Variants in STX18 observed in about 807,000 individuals in gnomAD.
STX18 encodes the protein syntaxin-18.
A neutral mutation model predicts 50.1 loss-of-function variants in STX18; 40 were observed. The ratio of observed to expected loss-of-function variants is 0.80; its 90% confidence interval spans 0.62 to 1.04. The LOEUF (loss-of-function observed/expected upper bound fraction) is 1.04. Among genes scored for constraint, STX18 ranks in the 50% least tolerant of loss-of-function variants. The pLI, the probability that STX18 is intolerant of heterozygous loss-of-function variation, is 0.00. For synonymous variants in STX18, 158 were observed against 151.8 expected, an observed-to-expected ratio of 1.04 and a Z score of -0.30; for missense variants, 410 against 415.8, an observed-to-expected ratio of 0.99 and a Z score of 0.12.
intron 5 of STX18, among the ~76,000 whole-genome samples, chr4:4,445,764 G>A (rs1334679146): frequency 1.3e-5 from 2 of 152,154 alleles, no homozygotes; most frequent in African/African-American, 4.8e-5. Context: ...TCCCCAAATT[G>A]ATCTATAAAT....
intron 1 of STX18, among the ~76,000 whole-genome samples, chr4:4,518,969 A>C (rs191389619): frequency 6.6e-6 from 1 of 152,182 alleles, no homozygotes; most frequent in African/African-American, 2.4e-5. Flanking sequence ...ATGATGTTTT[A>C]TGGTTCTTTT....
At chr4:4,465,025 G>C (rs758165239) in intron 2 of STX18, among the ~76,000 whole-genome samples, 7 of 151,886 alleles carry the variant, frequency 4.6e-5, no homozygotes, top group Non-Finnish European at 8.8e-5. Context: ...TTGATGTTAG[G>C]TGTTAACTCG....
chr4:4,485,839 C>T (rs1728676858), intron 1 of STX18, among the ~76,000 whole-genome samples: 1 of 152,214 alleles, frequency 6.6e-6, no homozygotes, highest in Admixed American at 6.5e-5. Flanking sequence ...TTCTCCTGCT[C>T]CCAAAGCTCT....
chr4:4,492,472 T>C (rs1399211961), intron 1 of STX18, among the ~76,000 whole-genome samples: 2 of 152,154 alleles, frequency 1.3e-5, no homozygotes, highest in Non-Finnish European at 2.9e-5. Context: ...ACAGTGTTTG[T>C]AGATTATCTG....
At chr4:4,448,522 A>G (rs1255771767) in intron 5 of STX18, among the ~76,000 whole-genome samples, 1 of 151,828 alleles carries the variant, frequency 6.6e-6, no homozygotes, top group Admixed American at 6.6e-5. Context: ...TTGTATTTTT[A>G]GTGGAGGTGG....
chr4:4,524,185 T>C (rs895528434), intron 1 of STX18, among the ~76,000 whole-genome samples: 9 of 152,222 alleles, frequency 5.9e-5, no homozygotes, highest in Non-Finnish European at 1.2e-4. Flanking sequence ...AATAATTCAT[T>C]CTCAGAGATA....
chr4:4,422,000 T>TGCTTCCTAACA (rs1406036649), intron 9 of STX18, among the ~76,000 whole-genome samples: 1 of 152,056 alleles, frequency 6.6e-6, no homozygotes, highest in African/African-American at 2.4e-5. Flanking sequence ...GTGGTGAAGC[T>TGCTTCCTAACA]GCTTCCTAAC....
rs530496620 is a variant in STX18, at chr4:4,484,010, T to C, written c.169-12304A>G. Among the ~76,000 whole-genome samples, 1,155 of 152,080 alleles carry C rather than the reference T, an allele frequency of 7.6e-3. 12 individuals carry two copies. Among genetic ancestry groups the C allele is most frequent in the African/African-American group, 0.024 (1,011 of 41,470 alleles). On this transcript the variant is annotated intron_variant, in intron 1 of 10. Coordinates refer to ENST00000306200, the MANE Select transcript of STX18 (RefSeq NM_016930.4). The stretch of plus-strand genomic sequence containing the variant: ...CCGAGTAGCTGGGACTACAGGTGCG[T>C]GCCACCATGCCCAGCTAATTTTTTT...
At chr4:4,516,233 T>C (rs1730264315) in intron 1 of STX18, among the ~76,000 whole-genome samples, 1 of 152,194 alleles carries the variant, frequency 6.6e-6, no homozygotes, top group Non-Finnish European at 1.5e-5. Context: ...TTTTGATTCA[T>C]TTTATGATTG....
chr4:4,476,243 G>C (rs1000975401), intron 1 of STX18: 3 of 151,866 alleles, frequency 2.0e-5, no homozygotes, highest in Non-Finnish European at 4.4e-5. Context: ...ACAAAGAATA[G>C]AGAATTCTGT....
At chr4:4,526,345 T>C (rs1730756242) in intron 1 of STX18, among the ~76,000 whole-genome samples, 1 of 152,168 alleles carries the variant, frequency 6.6e-6, no homozygotes, top group African/African-American at 2.4e-5. Flanking sequence ...CTGTGCTCTG[T>C]GCTGTGAGGG....
At chr4:4,494,623 C>G (rs549393733) in intron 1 of STX18, among the ~76,000 whole-genome samples, 3 of 152,278 alleles carry the variant, frequency 2.0e-5, no homozygotes, top group East Asian at 1.9e-4. Context: ...TATTAACTAT[C>G]CTTGTTCTTC....
intron 1 of STX18, among the ~76,000 whole-genome samples, chr4:4,529,550 C>T (rs1730992751): frequency 6.6e-6 from 1 of 152,212 alleles, no homozygotes; most frequent in Admixed American, 6.5e-5. Context: ...GAGGCGTGGT[C>T]TGTGGAATGC....
chr4:4,486,983 A>G (rs1361200580), intron 1 of STX18, among the ~76,000 whole-genome samples: 3 of 152,192 alleles, frequency 2.0e-5, no homozygotes, highest in Non-Finnish European at 4.4e-5. Flanking sequence ...AAAGCTATGA[A>G]TCTGATCTCT....
intron 1 of STX18, among the ~76,000 whole-genome samples, chr4:4,482,875 T>C (rs949633916): frequency 3.9e-5 from 6 of 152,216 alleles, no homozygotes; most frequent in Admixed American, 2.0e-4. Flanking sequence ...TCTGGAAATC[T>C]TACCAGAAAA....
At chr4:4,428,792 C>T (rs1725381977) in intron 7 of STX18, among the ~76,000 whole-genome samples, 1 of 152,116 alleles carries the variant, frequency 6.6e-6, no homozygotes, top group Admixed American at 6.6e-5. Flanking sequence ...AAGACCTGGT[C>T]TCCAAGGTCA....
intron 1 of STX18, among the ~76,000 whole-genome samples, chr4:4,526,119 C>T (rs970244277): frequency 1.3e-5 from 2 of 152,044 alleles, no homozygotes; most frequent in Non-Finnish European, 2.9e-5. Context: ...GGAGAATGAG[C>T]GGTACTGAGC....
At chr4:4,524,834 T>C (rs1020926021) in intron 1 of STX18, among the ~76,000 whole-genome samples, 1 of 152,216 alleles carries the variant, frequency 6.6e-6, no homozygotes, top group African/African-American at 2.4e-5. Flanking sequence ...AGACTTCTGA[T>C]AAAGCAAGTT....
chr4:4,430,252 T>C (rs978206882), intron 7 of STX18, among the ~76,000 whole-genome samples: 1 of 152,204 alleles, frequency 6.6e-6, no homozygotes, highest in African/African-American at 2.4e-5. Flanking sequence ...TGAGGAAAAA[T>C]TCCGAAACAG....
Sources: allele counts gnomAD v4.1 joint callset (sites outside exome capture counted in the v4.1 genomes callset), GRCh38; gene constraint gnomAD v4.1.1; transcripts MANE v1.5; gene names NCBI Gene and HGNC (gene_info 2026-07-23, HGNC 2026-07-21).